PDK3: variants seen among roughly 807,000 people sequenced by gnomAD.
The protein encoded by PDK3 is pyruvate dehydrogenase kinase 3.
PDK3 carries 12 observed loss-of-function variants against 32.0 expected under a neutral mutation model. The ratio of observed to expected loss-of-function variants is 0.37; its 90% CI spans 0.24 to 0.61. PDK3 has a LOEUF of 0.61. Ranked by LOEUF, PDK3 falls within the 20% of genes least tolerant of loss-of-function variation. The pLI is 0.65. For synonymous variants in PDK3, 122 were observed against 116.3 expected, an observed-to-expected ratio of 1.05 and a Z score of -0.31; for missense variants, 188 against 316.9, an observed-to-expected ratio of 0.59 and a Z score of 3.09.
exon 12 of PDK3, chrX:24,546,462 C>T (rs1922998078): frequency 8.9e-6 from 1 of 111,849 alleles, no homozygotes; most frequent in Non-Finnish European, 1.9e-5. Flanking sequence ...GGAAGGCCTC[C>T]CTCTCAAGTC....
chrX:24,485,991 A>G (rs763223788), intron 1 of PDK3, among the ~76,000 whole-genome samples: 33 of 112,395 alleles, frequency 2.9e-4, no homozygotes, highest in African/African-American at 1.1e-3. Context: ...ATAATTTAGC[A>G]ATAAATCATC....
chrX:24,476,263 A>G lies in PDK3; in HGVS notation c.106+10702A>G, dbSNP rs368299988. 4.5e-5 allele frequency among the ~76,000 whole-genome samples: 5 copies of G among 111,294 alleles called. No homozygotes were observed. In the East Asian group the frequency reaches 8.4e-4, roughly 19 times the overall value. ...TGTGGGTTCCACATCCATGGATTCAATCAACCTCAGATAGAAAATATTCAG... is the reference window on the plus strand; with the variant it reads ...TGTGGGTTCCACATCCATGGATTCAGTCAACCTCAGATAGAAAATATTCAG... On this transcript the variant is annotated intron_variant, in intron 1 of 10. Coordinates refer to ENST00000379162, the MANE Select transcript of PDK3 (RefSeq NM_005391.5).
chrX:24,503,877 T>C (rs1921921567), intron 4 of PDK3, among the ~76,000 whole-genome samples: 1 of 112,228 alleles, frequency 8.9e-6, no homozygotes, highest in Admixed American at 9.5e-5. Context: ...ATTATGTGTT[T>C]TCCTTTTTAG....
chrX:24,506,801 C>CTTTTTTTTTTTTTTT (rs10682263), intron 5 of PDK3, among the ~76,000 whole-genome samples: 3 of 49,505 alleles, frequency 6.1e-5, no homozygotes, highest in East Asian at 6.3e-4. Flanking sequence ...TTTTTTCTTT[C>CTTTTTTTTTTTTTTT]TTTTTTTTTT....
At chrX:24,527,794 A>G (rs778231540) in intron 8 of PDK3, 119 bp downstream of exon 8, 3 of 500,773 alleles carry the variant, frequency 6.0e-6, no homozygotes, top group Non-Finnish European at 1.0e-5. Context: ...TGTAAGTTCT[A>G]TGCTAGATCC....
chrX:24,530,624 C>A (rs1460271461), intron 9 of PDK3, among the ~76,000 whole-genome samples: 1 of 110,919 alleles, frequency 9.0e-6, no homozygotes, highest in African/African-American at 3.3e-5. Flanking sequence ...TAACCTTGTT[C>A]ATAGATTTAA....
chrX:24,469,493 A>T (rs1414888351), intron 1 of PDK3, among the ~76,000 whole-genome samples: 1 of 105,656 alleles, frequency 9.5e-6, no homozygotes, highest in Non-Finnish European at 2.0e-5. Flanking sequence ...TGTGGAAATT[A>T]AAAAAAAAAA....
rs182448899 is a variant in PDK3, at chrX:24,470,239, G to T, written c.106+4678G>T. ...ACTAATTTATCTTTTGAATTATCTG[G>T]TTCTTAAAGATTTGGTAGAACTTCA... On this transcript the variant is annotated intron_variant, in intron 1 of 10. Coordinates refer to ENST00000379162, the MANE Select transcript of PDK3 (RefSeq NM_005391.5). Among the ~76,000 whole-genome samples, 427 of 111,456 alleles carry T rather than the reference G, an allele frequency of 3.8e-3. 2 individuals carry two copies. The highest frequency in any genetic ancestry group is 0.012 in the African/African-American group (380 of 30,688).
intron 1 of PDK3, among the ~76,000 whole-genome samples, chrX:24,474,524 G>A (rs764049328): frequency 6.4e-5 from 7 of 109,156 alleles, no homozygotes; most frequent in South Asian, 3.9e-4. Context: ...AGCAGTTCTC[G>A]TGCCTCAGCC....
At chrX:24,497,128 C>T (rs1399344639) in intron 2 of PDK3, among the ~76,000 whole-genome samples, 1 of 109,440 alleles carries the variant, frequency 9.1e-6, no homozygotes, top group Non-Finnish European at 1.9e-5. Flanking sequence ...CCAACTGTCC[C>T]CTTTGGAAAG....
chrX:24,536,157 TGAGCATA>T (rs1922774289), downstream of PDK3, among the ~76,000 whole-genome samples: 1 of 111,361 alleles, frequency 9.0e-6, no homozygotes, highest in Admixed American at 9.5e-5. Context: ...ATGTTATGAT[TGAGCATA>T]GTTTAGGTGA....
chrX:24,508,009 A>G (rs1275295051), intron 5 of PDK3, among the ~76,000 whole-genome samples: 1 of 111,295 alleles, frequency 9.0e-6, no homozygotes, highest in Admixed American at 9.6e-5. Flanking sequence ...GGAATTCTTC[A>G]CGGTAAATGT....
intron 3 of PDK3, among the ~76,000 whole-genome samples, chrX:24,499,366 A>G (rs1465078901): frequency 9.0e-6 from 1 of 111,573 alleles, no homozygotes; most frequent in Non-Finnish European, 1.9e-5. Context: ...CCTGAATTCT[A>G]TTGCTCCCTT....
At chrX:24,516,147 T>C (rs950145150) in intron 5 of PDK3, among the ~76,000 whole-genome samples, 1 of 111,887 alleles carries the variant, frequency 8.9e-6, no homozygotes, top group African/African-American at 3.3e-5. Flanking sequence ...TAACATTCTG[T>C]AGGGCTTACT....
chrX:24,502,067 G>A (rs1306651236), intron 3 of PDK3, among the ~76,000 whole-genome samples: 1 of 110,414 alleles, frequency 9.1e-6, no homozygotes, highest in Non-Finnish European at 1.9e-5. Flanking sequence ...TTATTAATGT[G>A]TGTCCCTATA....
At position 24,485,335 on chromosome X, in the gene PDK3, A is replaced by G. The variant is rs766446030; in HGVS notation, c.107-9407A>G. ...TGCACTCCAGCCTGGGCGACAGAGC[A>G]AGACTCCATCTCAAAAAAGTAAAAC... On this transcript the variant is annotated intron_variant, in intron 1 of 10. Coordinates refer to ENST00000379162, the MANE Select transcript of PDK3 (RefSeq NM_005391.5). Among the ~76,000 whole-genome samples, 7 of 112,336 alleles carry G rather than the reference A, an allele frequency of 6.2e-5. No individual in the cohort carries two copies. In the East Asian group the frequency reaches 1.7e-3, roughly 27 times the overall value.
chrX:24,476,704 GTTTA>G (rs1921123589), intron 1 of PDK3, among the ~76,000 whole-genome samples: 2 of 112,056 alleles, frequency 1.8e-5, no homozygotes, highest in Non-Finnish European at 3.8e-5. Context: ...AAAGTCCATA[GTTTA>G]CATTAGGGCT....
In PDK3 at chrX:24,533,975, C is replaced by A; in HGVS notation, c.1124C>A (p.Ser375Tyr). Residue 375 changes from serine to tyrosine, a missense_variant, in exon 11 of 11, where the codon TCC becomes TAC. Coordinates refer to ENST00000379162, the MANE Select transcript of PDK3 (RefSeq NM_005391.5). Reference protein sequence around the residue: ...SFERLPVFNKSAWRHYKTTPE... With the variant: ...SFERLPVFNKYAWRHYKTTPE... ...GAGAGACTTCCAGTTTTTAATAAGT[C>A]CGCATGGCGCCATTACAAGACCACG... 1 of 1,209,088 alleles carries A rather than the reference C, an allele frequency of 8.3e-7. No homozygotes were observed. Among genetic ancestry groups the A allele is most frequent in the Non-Finnish European group, 1.1e-6 (1 of 893,855 alleles).
intron 6 of PDK3, among the ~76,000 whole-genome samples, chrX:24,521,742 C>T (rs1174987886): frequency 8.9e-6 from 1 of 111,739 alleles, no homozygotes; most frequent in Non-Finnish European, 1.9e-5. Flanking sequence ...GGGCAGCTCA[C>T]CCACCAGGAG....
Sources: allele counts gnomAD v4.1 joint callset (sites outside exome capture counted in the v4.1 genomes callset), GRCh38; gene constraint gnomAD v4.1.1; transcripts MANE v1.5; gene names NCBI Gene and HGNC (gene_info 2026-07-23, HGNC 2026-07-21).